The following NDUFB3 variants were observed in gnomAD, a reference collection of about 807,000 sequenced individuals.
NDUFB3 encodes the protein NADH dehydrogenase [ubiquinone] 1 beta subcomplex subunit 3.
Under a neutral mutation model 9.0 loss-of-function variants are expected in NDUFB3, and 7 were observed. The observed-to-expected ratio is 0.78, with a 90% CI of 0.44 to 1.46. The LOEUF is 1.46. Among genes scored for constraint, NDUFB3 ranks in the 40% most tolerant of loss-of-function variants. The pLI, the probability that NDUFB3 is intolerant of heterozygous loss-of-function variation, is 0.01. For synonymous variants in NDUFB3, 29 were observed against 38.5 expected (o/e 0.75, Z 0.91); for missense variants, 93 against 115.4 (o/e 0.81, Z 0.89).
chr2:201,079,655 C>G (rs2047202780), intron 2 of NDUFB3, among the ~76,000 whole-genome samples: 1 of 151,968 alleles, frequency 6.6e-6, no homozygotes, highest in South Asian at 2.1e-4. Context: ...GTTGCCCGGG[C>G]TAGTCTCAAA....
At chr2:201,074,266 T>C (rs2047134254) in intron 1 of NDUFB3, among the ~76,000 whole-genome samples, 1 of 151,910 alleles carries the variant, frequency 6.6e-6, no homozygotes, top group South Asian at 2.1e-4. Flanking sequence ...AAAGACACAT[T>C]AATATTTTCT....
At chr2:201,078,615 G>T (rs2047191188) in intron 1 of NDUFB3, among the ~76,000 whole-genome samples, 1 of 152,122 alleles carries the variant, frequency 6.6e-6, no homozygotes, top group African/African-American at 2.4e-5. Context: ...ATGAAGAAAA[G>T]AACCAGATAG....
rs139936993 is a variant in NDUFB3 at position 201,085,500 on chromosome 2, T to C, written c.182T>C (p.Val61Ala). The C allele has an allele frequency of 8.0e-4, 1,286 of 1,612,466 alleles. No homozygotes were observed. The highest frequency in any genetic ancestry group is 1.0e-3 in the Non-Finnish European group (1,174 of 1,179,146). ...WRYMGGFAKS[V>A]SFSDVFFKGF... ...TACATGGGTGGCTTTGCAAAGAGTG[T>C]TTCCTTTTCTGATGTATTCTTTAAA... Residue 61 changes from valine to alanine, a missense_variant, in exon 3 of 3, where the codon GTT (valine) becomes GCT (alanine). Val to Ala is a moderately conservative substitution (Grantham distance 64). Transcript: ENST00000237889.
intron 1 of NDUFB3, among the ~76,000 whole-genome samples, chr2:201,075,826 C>G (rs1055113493): frequency 6.6e-6 from 1 of 152,116 alleles, no homozygotes; most frequent in Non-Finnish European, 1.5e-5. Flanking sequence ...ACTATTCTAT[C>G]AAAATTCTTG....
At chr2:201,076,446 C>T (rs2047163254) in intron 1 of NDUFB3, among the ~76,000 whole-genome samples, 1 of 145,986 alleles carries the variant, frequency 6.8e-6, no homozygotes, top group Admixed American at 7.0e-5. Flanking sequence ...TTTGAGGCTG[C>T]AGTGAGCTAT....
rs139914539 is a variant in NDUFB3 at position 201,081,235 on chromosome 2, G to A, written c.140+2213G>A. Reference sequence around the variant, plus strand: ...ATGGTGGCTCACACCTGTAATTCCAGCACTTTGGGAGGCCGAGGCGGGTGG... The same window carrying A: ...ATGGTGGCTCACACCTGTAATTCCAACACTTTGGGAGGCCGAGGCGGGTGG... On this transcript the variant is annotated intron_variant, in intron 2 of 2. Coordinates refer to ENST00000237889, the MANE Select transcript of NDUFB3 (RefSeq NM_002491.3). Among the ~76,000 whole-genome samples the A allele has an allele frequency of 7.7e-3, 1,162 of 151,812 alleles. 18 individuals are homozygous for A. Among genetic ancestry groups the A allele is most frequent in the African/African-American group, 0.027 (1,121 of 41,426 alleles).
At chr2:201,079,428 C>A (rs1393001599) in intron 2 of NDUFB3, among the ~76,000 whole-genome samples, 1 of 151,956 alleles carries the variant, frequency 6.6e-6, no homozygotes, top group Non-Finnish European at 1.5e-5. Flanking sequence ...CAGGCATGAG[C>A]CACCACGCCT....
intron 1 of NDUFB3, among the ~76,000 whole-genome samples, chr2:201,076,766 A>G (rs1382648243): frequency 6.6e-6 from 1 of 151,740 alleles, no homozygotes; most frequent in Admixed American, 6.6e-5. Context: ...TTTAATATAC[A>G]CTTTTTAATA....
At chr2:201,074,961 T>G (rs558731696) in intron 1 of NDUFB3, among the ~76,000 whole-genome samples, 1 of 152,262 alleles carries the variant, frequency 6.6e-6, no homozygotes, top group African/African-American at 2.4e-5. Flanking sequence ...TTACTTTTAC[T>G]AGTGCAAAGT....
At chr2:201,080,513 T>A (rs1652097623) in intron 2 of NDUFB3, among the ~76,000 whole-genome samples, 1 of 151,984 alleles carries the variant, frequency 6.6e-6, no homozygotes, top group Admixed American at 6.6e-5. Flanking sequence ...CAGGCGGCAG[T>A]GAGCCAAGAT....
intron 1 of NDUFB3, among the ~76,000 whole-genome samples, chr2:201,072,562 ATCT>A (rs1335424142): frequency 6.6e-6 from 1 of 152,162 alleles, no homozygotes; most frequent in African/African-American, 2.4e-5. Context: ...GTGGAGGTTG[ATCT>A]TCATGAGACT....
At chr2:201,074,553 T>C (rs1228065567) in intron 1 of NDUFB3, among the ~76,000 whole-genome samples, 1 of 148,282 alleles carries the variant, frequency 6.7e-6, no homozygotes, top group Non-Finnish European at 1.5e-5. Context: ...ACCTCCTGGG[T>C]TCAAGTGATT....
At chr2:201,083,052 G>T (rs369271398) in intron 2 of NDUFB3, among the ~76,000 whole-genome samples, 5 of 152,248 alleles carry the variant, frequency 3.3e-5, no homozygotes, top group East Asian at 3.9e-4. Flanking sequence ...TTTTTTTACA[G>T]ATTTCTTAGA....
At chr2:201,082,094 G>C (rs897923730) in intron 2 of NDUFB3, among the ~76,000 whole-genome samples, 1 of 151,972 alleles carries the variant, frequency 6.6e-6, no homozygotes, top group Non-Finnish European at 1.5e-5. Flanking sequence ...GGGATTACAG[G>C]CATGAGCCAC....
At chr2:201,083,012 C>T (rs528190472) in intron 2 of NDUFB3, among the ~76,000 whole-genome samples, 4 of 152,234 alleles carry the variant, frequency 2.6e-5, no homozygotes, top group Admixed American at 2.0e-4. Flanking sequence ...CGCGCCCGGC[C>T]GCTAAATTCA....
chr2:201,082,655 A>G (rs569245360), intron 2 of NDUFB3, among the ~76,000 whole-genome samples: 1 of 149,614 alleles, frequency 6.7e-6, no homozygotes, highest in South Asian at 2.1e-4. Context: ...AACACAGTTG[A>G]CTTTTATATG....
chr2:201,085,190 G>A (rs1022683837), intron 2 of NDUFB3, among the ~76,000 whole-genome samples: 2 of 152,324 alleles, frequency 1.3e-5, no homozygotes. Context: ...ATAAGCTGAC[G>A]TGAGTCTTGC....
chr2:201,079,141 T>A, intron 2 of NDUFB3, 119 bp downstream of exon 2: 1 of 1,186,228 alleles, frequency 8.4e-7, no homozygotes, highest in South Asian at 1.8e-5. Context: ...TAAAGGGTTT[T>A]TTTTGGTTTT....
chr2:201,077,775 C>G (rs908217218), intron 1 of NDUFB3, among the ~76,000 whole-genome samples: 2 of 152,236 alleles, frequency 1.3e-5, no homozygotes, highest in East Asian at 3.9e-4. Flanking sequence ...GTTTTCTCTT[C>G]CTATAAATGT....
Sources: allele counts gnomAD v4.1 joint callset (sites outside exome capture counted in the v4.1 genomes callset), GRCh38; gene constraint gnomAD v4.1.1; transcripts MANE v1.5; gene names NCBI Gene and HGNC (gene_info 2026-07-23, HGNC 2026-07-21).